The following RIC1 variants were observed in gnomAD, a reference collection of about 807,000 sequenced individuals.
RIC1 encodes the protein guanine nucleotide exchange factor subunit RIC1.
RIC1 carries 88 observed loss-of-function variants against 169.0 expected under a neutral mutation model. That is an observed-to-expected ratio of 0.52 (90% CI 0.44 to 0.62). RIC1 has a LOEUF of 0.62. Among genes scored for constraint, RIC1 ranks in the 20% least tolerant of loss-of-function variants. The pLI is 0.00. For missense variants in RIC1, 1,877 were observed against 1,725.5 expected, an observed-to-expected ratio of 1.09 and a Z score of -1.56; for synonymous variants, 790 against 601.5, an observed-to-expected ratio of 1.31 and a Z score of -4.59.
chr9:5,759,963 C>T (rs1826229551), intron 17 of RIC1, among the ~76,000 whole-genome samples: 3 of 152,236 alleles, frequency 2.0e-5, no homozygotes, highest in South Asian at 2.1e-4. Flanking sequence ...ATCAGTAGTC[C>T]TGGATACCAT....
chr9:5,702,564 G>A (rs772241454), intron 3 of RIC1, among the ~76,000 whole-genome samples: 2 of 151,986 alleles, frequency 1.3e-5, no homozygotes, highest in Non-Finnish European at 2.9e-5. Context: ...GTTTGAGACA[G>A]AGTCTCACTC....
At chr9:5,705,730 A>C (rs1822547619) in intron 3 of RIC1, among the ~76,000 whole-genome samples, 1 of 152,242 alleles carries the variant, frequency 6.6e-6, no homozygotes, top group African/African-American at 2.4e-5. Context: ...GAAAACTTTC[A>C]GTCAGTAAAC....
chr9:5,666,210 C>A (rs1325853836), intron 2 of RIC1, among the ~76,000 whole-genome samples: 1 of 152,214 alleles, frequency 6.6e-6, no homozygotes, highest in Non-Finnish European at 1.5e-5. Flanking sequence ...CATGATCTGG[C>A]AGTGTGGCTG....
At chr9:5,750,801 CT>C (rs1825677888) in intron 12 of RIC1, among the ~76,000 whole-genome samples, 1 of 151,498 alleles carries the variant, frequency 6.6e-6, no homozygotes, top group South Asian at 2.1e-4. Context: ...TTCCTTACTT[CT>C]GCCATTCCCT....
intron 1 of RIC1, among the ~76,000 whole-genome samples, chr9:5,653,447 T>C (rs762932322): frequency 1.3e-5 from 2 of 152,236 alleles, no homozygotes; most frequent in Non-Finnish European, 2.9e-5. Flanking sequence ...AGTGACTTTG[T>C]TGATAGCCAG....
rs57819873 is a variant in RIC1, at chr9:5,705,212, T to TA, written c.333-8680dup. 6.9e-3 allele frequency among the ~76,000 whole-genome samples: 1,034 copies of TA among 150,012 alleles called. 12 individuals are homozygous for TA. The highest frequency in any genetic ancestry group is 0.024 in the African/African-American group (996 of 40,840). On this transcript the variant is annotated intron_variant, in intron 3 of 25. Coordinates refer to ENST00000414202, the MANE Select transcript of RIC1 (RefSeq NM_020829.4). ...TTTCTGTTTTTTTTTTTTTTTTTTT[T>TA]AAAAGAACATTGGGATTTTGGTAGA...
At chr9:5,757,895 A>T (rs1826099463) in intron 17 of RIC1, among the ~76,000 whole-genome samples, 1 of 152,246 alleles carries the variant, frequency 6.6e-6, no homozygotes, top group South Asian at 2.1e-4. Context: ...AGTGACTGGG[A>T]CATGGAAAGT....
chr9:5,687,489 A>G (rs891031280), intron 2 of RIC1, among the ~76,000 whole-genome samples: 1 of 151,974 alleles, frequency 6.6e-6, no homozygotes, highest in Non-Finnish European at 1.5e-5. Context: ...AAGGCTGTAA[A>G]TTTCCTCTTT....
intron 2 of RIC1, among the ~76,000 whole-genome samples, chr9:5,682,590 C>T (rs906891037): frequency 1.3e-5 from 2 of 152,102 alleles, no homozygotes; most frequent in African/African-American, 4.8e-5. Context: ...CTGCCCTTAA[C>T]ATTTTTTCCT....
intron 10 of RIC1, among the ~76,000 whole-genome samples, chr9:5,744,376 A>G (rs1039231890): frequency 7.2e-5 from 11 of 152,106 alleles, no homozygotes; most frequent in East Asian, 1.9e-4. Context: ...CCTTGAGCAT[A>G]TTTTTTAAAA....
intron 23 of RIC1, among the ~76,000 whole-genome samples, chr9:5,772,354 T>C (rs1827280654): frequency 6.6e-6 from 1 of 152,242 alleles, no homozygotes; most frequent in Non-Finnish European, 1.5e-5. Context: ...GGTGGTAGTA[T>C]ATTTTTCCAT....
chr9:5,715,792 C>CT (rs1823198880), intron 4 of RIC1, among the ~76,000 whole-genome samples: 1 of 150,926 alleles, frequency 6.6e-6, no homozygotes, highest in African/African-American at 2.4e-5. Context: ...TTCCCCTCCC[C>CT]TCCCTTCCCC....
intron 6 of RIC1, among the ~76,000 whole-genome samples, chr9:5,722,449 C>T (rs1426019992): frequency 6.6e-6 from 1 of 150,990 alleles, no homozygotes; most frequent in Non-Finnish European, 1.5e-5. Flanking sequence ...TCATAGCCTC[C>T]ATGCACATGT....
chr9:5,740,077 C>T (rs915686740), intron 8 of RIC1, among the ~76,000 whole-genome samples: 3 of 152,148 alleles, frequency 2.0e-5, no homozygotes, highest in Non-Finnish European at 4.4e-5. Flanking sequence ...TCCCTGAGTT[C>T]ATCATTTTCT....
intron 7 of RIC1, among the ~76,000 whole-genome samples, chr9:5,737,080 TTC>T (rs1449548032): frequency 3.3e-5 from 5 of 152,200 alleles, no homozygotes; most frequent in Non-Finnish European, 7.4e-5. Context: ...GAACATTTGT[TTC>T]TCTTTCTCAC....
chr9:5,745,589 A>C (rs1293534811), intron 10 of RIC1, among the ~76,000 whole-genome samples: 1 of 152,166 alleles, frequency 6.6e-6, no homozygotes, highest in Non-Finnish European at 1.5e-5. Flanking sequence ...GTCTTCTGTA[A>C]GGAATTTCTT....
chr9:5,736,995 A>C (rs977724845), intron 7 of RIC1, among the ~76,000 whole-genome samples: 5 of 152,124 alleles, frequency 3.3e-5, no homozygotes, highest in African/African-American at 7.2e-5. Flanking sequence ...AAAAAAAAAA[A>C]AACAATCTGG....
intron 1 of RIC1, among the ~76,000 whole-genome samples, chr9:5,645,116 T>C (rs1246720424): frequency 1.3e-5 from 2 of 152,154 alleles, no homozygotes; most frequent in African/African-American, 4.8e-5. Flanking sequence ...AACAGTGATC[T>C]GATCTTGGGT....
chr9:5,661,062 A>G (rs1489296253), intron 2 of RIC1, among the ~76,000 whole-genome samples: 3 of 152,192 alleles, frequency 2.0e-5, no homozygotes, highest in African/African-American at 4.8e-5. Context: ...ACAGCTAGCC[A>G]GTACTCCCAG....
Sources: allele counts gnomAD v4.1 joint callset (sites outside exome capture counted in the v4.1 genomes callset), GRCh38; gene constraint gnomAD v4.1.1; transcripts MANE v1.5; gene names NCBI Gene and HGNC (gene_info 2026-07-23, HGNC 2026-07-21).